ADGRB3: variants seen among roughly 807,000 people sequenced by gnomAD.
The protein encoded by ADGRB3 is brain-specific angiogenesis inhibitor 3.
A neutral mutation model predicts 193.4 loss-of-function variants in ADGRB3; 37 were observed. That is an observed-to-expected ratio of 0.19 (90% CI 0.15 to 0.25). ADGRB3 has a LOEUF of 0.25. Among genes scored for constraint, ADGRB3 ranks in the 10% least tolerant of loss-of-function variants. ADGRB3 has a pLI of 1.00. For missense variants in ADGRB3, 1,637 were observed against 1,852.9 expected, an observed-to-expected ratio of 0.88 and a Z score of 2.14; for synonymous variants, 690 against 644.2, an observed-to-expected ratio of 1.07 and a Z score of -1.08.
rs957947492 is a variant in ADGRB3 at position 69,256,601 on chromosome 6, G to T, written c.2814+17375G>T. ...TTGCTTATCAGCTTAAGGAGATTTT[G>T]GGCTGAGACAATGGGGTTTTCTAGA... On this transcript the variant is annotated intron_variant, in intron 20 of 31. Coordinates refer to ENST00000370598, the MANE Select transcript of ADGRB3 (RefSeq NM_001704.3). Among the ~76,000 whole-genome samples the T allele has an allele frequency of 4.6e-5, 7 of 152,164 alleles. No homozygotes were observed. The East Asian group carries it at 5.8e-4, about 13-fold the overall frequency.
chr6:69,148,218 T>G (rs1774561928), intron 17 of ADGRB3, among the ~76,000 whole-genome samples: 1 of 152,172 alleles, frequency 6.6e-6, no homozygotes, highest in South Asian at 2.1e-4. Flanking sequence ...CTTTCCTTCC[T>G]TCCTGTCTTC....
At chr6:68,765,025 T>C (rs1359718124) in intron 3 of ADGRB3, among the ~76,000 whole-genome samples, 1 of 152,214 alleles carries the variant, frequency 6.6e-6, no homozygotes, top group Non-Finnish European at 1.5e-5. Flanking sequence ...ATGTTGGCCT[T>C]CAATCCAGCA....
chr6:68,783,144 G>GTT (rs1361164815), intron 3 of ADGRB3, among the ~76,000 whole-genome samples: 2 of 151,246 alleles, frequency 1.3e-5, no homozygotes, highest in African/African-American at 2.4e-5. Context: ...AGTCCGGTTT[G>GTT]TTACTCCTAT....
intron 30 of ADGRB3, among the ~76,000 whole-genome samples, chr6:69,380,490 TGAAAA>T (rs919742562): frequency 6.6e-6 from 1 of 151,912 alleles, no homozygotes; most frequent in African/African-American, 2.4e-5. Context: ...TTCTTGTACT[TGAAAA>T]GGAAAGATCC....
intron 10 of ADGRB3, among the ~76,000 whole-genome samples, chr6:68,976,249 CTATCAACTAATAGAATTAGTA>C (rs1768743976): frequency 6.6e-6 from 1 of 152,098 alleles, no homozygotes; most frequent in African/African-American, 2.4e-5. Context: ...ATAACAACCC[CTATCAACTAATAGAATTAGTA>C]TTTGTTTCAT....
intron 3 of ADGRB3, among the ~76,000 whole-genome samples, chr6:68,729,879 A>G (rs1765740094): frequency 6.6e-6 from 1 of 151,638 alleles, no homozygotes; most frequent in South Asian, 2.1e-4. Context: ...CTCTTCGGCC[A>G]AGTTATAAAC....
chr6:68,962,858 C>T (rs1253477343), intron 8 of ADGRB3, among the ~76,000 whole-genome samples: 1 of 152,062 alleles, frequency 6.6e-6, no homozygotes, highest in African/African-American at 2.4e-5. Flanking sequence ...CTAAGACTGC[C>T]CCAGCACTCT....
intron 20 of ADGRB3, among the ~76,000 whole-genome samples, chr6:69,258,162 AC>A (rs1409643353): frequency 6.6e-6 from 1 of 151,890 alleles, no homozygotes; most frequent in African/African-American, 2.4e-5. Context: ...GAAAAAAATG[AC>A]AACTATTTGT....
In ADGRB3 at chr6:69,383,422, A is replaced by G. The variant is rs561531275; in HGVS notation, c.4380+487A>G. Reference sequence around the variant, plus strand: ...CACATCAACACTGGGGACTCTGGTTATTAACTGTGACCATTCTCTTCTCAT... The same window carrying G: ...CACATCAACACTGGGGACTCTGGTTGTTAACTGTGACCATTCTCTTCTCAT... On this transcript the variant is annotated intron_variant, in intron 31 of 31. Transcript: ENST00000370598. Among the ~76,000 whole-genome samples the G allele has an allele frequency of 2.5e-4, 38 of 152,122 alleles. No individual in the cohort carries two copies. In the South Asian group the frequency reaches 3.1e-3, roughly 12 times the overall value.
chr6:68,639,270 C>CCTCAG lies in ADGRB3; in HGVS notation c.597_601dup (p.His201LeufsTer14). ...GATCATGTATACAAAATGCACCTGC[C>CCTCAG]CTCAGCATTTGGGAGAGTGGGGGAT... On this transcript the variant is annotated frameshift_variant, in exon 3 of 32. Transcript: ENST00000370598. LOFTEE classifies it high-confidence loss of function. 6.2e-7 allele frequency: 1 copy of CCTCAG among 1,614,002 alleles called. No individual in the cohort carries two copies. Among genetic ancestry groups the CCTCAG allele is most frequent in the Non-Finnish European group, 8.5e-7 (1 of 1,180,016 alleles).
chr6:69,084,410 A>G (rs1378328309), intron 17 of ADGRB3, among the ~76,000 whole-genome samples: 1 of 152,140 alleles, frequency 6.6e-6, no homozygotes, highest in Admixed American at 6.6e-5. Context: ...TCTGATATTA[A>G]TTTTCTAGCA....
intron 3 of ADGRB3, among the ~76,000 whole-genome samples, chr6:68,810,446 CGTT>C (rs940369137): frequency 6.6e-6 from 1 of 152,112 alleles, no homozygotes; most frequent in Non-Finnish European, 1.5e-5. Context: ...ATGGTTCAGT[CGTT>C]GTTGAGGCTG....
chr6:69,032,518 C>T (rs1183627779), intron 13 of ADGRB3, among the ~76,000 whole-genome samples: 2 of 152,142 alleles, frequency 1.3e-5, no homozygotes, highest in South Asian at 4.1e-4. Context: ...AAATAGTGGT[C>T]TGCCTATTTA....
intron 3 of ADGRB3, among the ~76,000 whole-genome samples, chr6:68,874,070 A>G (rs1333438471): frequency 6.6e-6 from 1 of 152,034 alleles, no homozygotes; most frequent in Non-Finnish European, 1.5e-5. Context: ...GCCAACTCTA[A>G]AATTTGACTT....
intron 30 of ADGRB3, among the ~76,000 whole-genome samples, chr6:69,377,662 G>A (rs995677458): frequency 6.6e-6 from 1 of 151,976 alleles, no homozygotes; most frequent in Non-Finnish European, 1.5e-5. Flanking sequence ...ATACTATAAT[G>A]TTTATGGTTA....
chr6:69,292,716 T>G (rs1767716161), intron 20 of ADGRB3, among the ~76,000 whole-genome samples: 1 of 151,926 alleles, frequency 6.6e-6, no homozygotes, highest in African/African-American at 2.4e-5. Context: ...CCTCTTTCTT[T>G]TTTTTTTTTA....
intron 31 of ADGRB3, among the ~76,000 whole-genome samples, chr6:69,386,984 C>T (rs1397190594): frequency 6.6e-6 from 1 of 152,082 alleles, no homozygotes; most frequent in African/African-American, 2.4e-5. Context: ...ATTCTCCAGG[C>T]ATCATTCCAG....
At chr6:69,045,510 G>A (rs1409947077) in intron 13 of ADGRB3, among the ~76,000 whole-genome samples, 1 of 152,016 alleles carries the variant, frequency 6.6e-6, no homozygotes, top group Non-Finnish European at 1.5e-5. Context: ...TAGATTTTAA[G>A]TGTTCTCACC....
At chr6:69,012,534 A>C (rs1480647969) in intron 11 of ADGRB3, among the ~76,000 whole-genome samples, 1 of 152,088 alleles carries the variant, frequency 6.6e-6, no homozygotes, top group Admixed American at 6.6e-5. Context: ...CACTTCAAGC[A>C]GGAAATTTTA....
Sources: gnomAD v4.1 joint callset for allele counts (sites outside exome capture counted in the v4.1 genomes callset) on GRCh38, gnomAD v4.1.1 for gene constraint, MANE v1.5 for transcripts, NCBI Gene and HGNC (gene_info 2026-07-23, HGNC 2026-07-21) for gene names.